The following CLEC19A variants were observed in gnomAD, a reference collection of about 807,000 sequenced individuals.
CLEC19A encodes C-type lectin domain containing 19A, also known as C-type lectin domain family 19 member A.
In CLEC19A, 21 loss-of-function variants were observed where a neutral mutation model predicts 26.1. That is an observed-to-expected ratio of 0.80 (90% CI 0.57 to 1.16). The LOEUF (loss-of-function observed/expected upper bound fraction) is 1.16, where lower values mean the gene tolerates loss of function less well. CLEC19A is among the 50% of genes most tolerant of loss of function. The pLI, the probability that CLEC19A is intolerant of heterozygous loss-of-function variation, is 0.00. For synonymous variants in CLEC19A, 89 were observed against 88.6 expected (o/e 1.00, Z -0.03); for missense variants, 224 against 227.6 (o/e 0.98, Z 0.10).
intron 2 of CLEC19A, among the ~76,000 whole-genome samples, chr16:19,301,978 C>A (rs179218): frequency 0.07 from 10,558 of 151,858 alleles, 507 homozygotes; most frequent in East Asian, 0.27. Context: ...CCATGCCCAG[C>A]AGTAGGAGTT....
rs1253547222 is a variant in CLEC19A at position 19,309,014 on chromosome 16, A to G, written c.492A>G (p.Ser164=). The G allele has an allele frequency of 4.5e-6, 7 of 1,548,310 alleles. No homozygotes were observed. The highest frequency in any genetic ancestry group is 1.2e-5 in the South Asian group (1 of 83,968). Residue 164 remains serine (S), a synonymous_variant, in exon 5 of 5, where the codon TCA becomes TCG. Coordinates refer to ENST00000636231, the MANE Select transcript of CLEC19A (RefSeq NM_001256720.2). ...TTCTTTCCATCACAGCTCTGAGGTC[A>G]TGGAATGATAACACCTGCAGCCGGA... ...IWYRPTSALR[S]WNDNTCSRKF...
chr16:19,297,639 C>T (rs1243293990), intron 1 of CLEC19A, among the ~76,000 whole-genome samples: 1 of 152,090 alleles, frequency 6.6e-6, no homozygotes, highest in Non-Finnish European at 1.5e-5. Context: ...GTAGAGGATT[C>T]AAGAGCTATT....
At chr16:19,306,760 TG>T (rs1249888957) in intron 3 of CLEC19A, among the ~76,000 whole-genome samples, 9 of 92,038 alleles carry the variant, frequency 9.8e-5, no homozygotes, top group Non-Finnish European at 1.9e-4. Context: ...ATGTGGAAAC[TG>T]GGGCTCAGAG....
intron 2 of CLEC19A, among the ~76,000 whole-genome samples, chr16:19,299,483 C>T (rs1897773700): frequency 1.3e-5 from 2 of 152,194 alleles, no homozygotes; most frequent in African/African-American, 4.8e-5. Context: ...CCCTCCAAGG[C>T]CTCCTTCCAC....
At chr16:19,302,095 A>T (rs1321061371) in intron 2 of CLEC19A, among the ~76,000 whole-genome samples, 1 of 151,658 alleles carries the variant, frequency 6.6e-6, no homozygotes, top group East Asian at 1.9e-4. Flanking sequence ...GGCTTGTCTC[A>T]CTCTTCCACT....
chr16:19,309,408 AT>A lies in CLEC19A; in HGVS notation c.*326del. ...CCATCCCTGAAGCAATCACTTTGGC[AT>A]ATGCTAAGTGGCTAGCTCCTGCTTA... On this transcript the variant is annotated 3_prime_UTR_variant, in exon 5 of 5. Coordinates refer to ENST00000636231, the MANE Select transcript of CLEC19A (RefSeq NM_001256720.2). 1 of 198,764 alleles carries A rather than the reference AT, an allele frequency of 5.0e-6. No homozygotes were observed. Among genetic ancestry groups the A allele is most frequent in the Non-Finnish European group, 1.0e-5 (1 of 98,846 alleles). 12.3% of individuals were successfully genotyped at this position (198,764 alleles called of 1,614,324 possible).
intron 1 of CLEC19A, among the ~76,000 whole-genome samples, chr16:19,297,220 T>C (rs1489796764): frequency 6.6e-6 from 1 of 152,218 alleles, no homozygotes. Flanking sequence ...AGGAGTTCGA[T>C]GGGCAAAGAT....
At chr16:19,290,913 G>T (rs1299281375) in intron 1 of CLEC19A, among the ~76,000 whole-genome samples, 3 of 152,048 alleles carry the variant, frequency 2.0e-5, no homozygotes, top group African/African-American at 7.2e-5. Flanking sequence ...GTCATAGCTT[G>T]CTGCAGCCTG....
At chr16:19,300,253 A>AAT (rs1897791598) in intron 2 of CLEC19A, among the ~76,000 whole-genome samples, 1 of 149,794 alleles carries the variant, frequency 6.7e-6, no homozygotes, top group South Asian at 2.1e-4. Flanking sequence ...AATAAATAAT[A>AAT]AAAAAAAGAA....
chr16:19,304,396 TAAAA>T (rs35007845), intron 3 of CLEC19A: 95 of 196,568 alleles, frequency 4.8e-4, no homozygotes, highest in South Asian at 1.4e-3. Flanking sequence ...TGGGTTCTCT[TAAAA>T]AAAAAAAAAA....
intron 3 of CLEC19A, among the ~76,000 whole-genome samples, chr16:19,306,221 C>G (rs1207684726): frequency 1.3e-5 from 2 of 151,580 alleles, no homozygotes; most frequent in Non-Finnish European, 2.9e-5. Flanking sequence ...TCACAGCTCA[C>G]CGCAACCTTG....
intron 2 of CLEC19A, among the ~76,000 whole-genome samples, chr16:19,302,814 T>C (rs1275735258): frequency 6.6e-6 from 1 of 152,184 alleles, no homozygotes; most frequent in Non-Finnish European, 1.5e-5. Flanking sequence ...TTCAGCGTCT[T>C]CAATGCAGCA....
intron 3 of CLEC19A, among the ~76,000 whole-genome samples, chr16:19,306,176 T>C (rs1897950040): frequency 6.7e-6 from 1 of 148,876 alleles, no homozygotes; most frequent in African/African-American, 2.5e-5. Context: ...GACAGGGTCT[T>C]GCTCTGTTGC....
intron 4 of CLEC19A, 102 bp downstream of exon 4, chr16:19,307,779 C>G: frequency 6.9e-7 from 1 of 1,450,524 alleles, no homozygotes; most frequent in Non-Finnish European, 9.3e-7. Context: ...ACCTGATGGC[C>G]TGAGACTGGC....
At chr16:19,302,495 C>T (rs1419317144) in intron 2 of CLEC19A, among the ~76,000 whole-genome samples, 1 of 152,150 alleles carries the variant, frequency 6.6e-6, no homozygotes, top group African/African-American at 2.4e-5. Context: ...CATGTTGTTG[C>T]AACACAAAAG....
At chr16:19,293,725 A>C (rs1244022872) in intron 1 of CLEC19A, among the ~76,000 whole-genome samples, 1 of 151,782 alleles carries the variant, frequency 6.6e-6, no homozygotes, top group African/African-American at 2.4e-5. Flanking sequence ...CAAAGTGTTG[A>C]GATTACAGGT....
intron 1 of CLEC19A, among the ~76,000 whole-genome samples, chr16:19,293,731 C>CCCA (rs1897642220): frequency 6.6e-6 from 1 of 151,282 alleles, no homozygotes; most frequent in African/African-American, 2.4e-5. Context: ...GTTGAGATTA[C>CCCA]AGGTGTGAGC....
chr16:19,304,260 G>A, intron 3 of CLEC19A, 105 bp downstream of exon 3: 4 of 892,706 alleles, frequency 4.5e-6, no homozygotes, highest in Non-Finnish European at 7.2e-6. Context: ...TATGCACACA[G>A]CATATAGAGA....
chr16:19,309,858 G>A lies in CLEC19A; in HGVS notation c.*775G>A, dbSNP rs1898034872. ...GAGGTTTCATCATGTCATCCAAGCT[G>A]GTTTCGAACTCCTGGGCTCAAGGGA... On this transcript the variant is annotated 3_prime_UTR_variant, in exon 5 of 5. Transcript: ENST00000636231. 6.6e-6 allele frequency: 1 copy of A among 151,748 alleles called. No homozygotes were observed. The allele number at this position is 151,748 out of a possible 1,614,324, so 9.4% of individuals were successfully genotyped here. A position where few individuals can be genotyped will look rare whatever the true frequency, so the allele number is the denominator to read the frequency against.
Sources: allele counts gnomAD v4.1 joint callset (sites outside exome capture counted in the v4.1 genomes callset), GRCh38; gene constraint gnomAD v4.1.1; transcripts MANE v1.5; gene names NCBI Gene and HGNC (gene_info 2026-07-23, HGNC 2026-07-21).